Variants in MNAT1 observed in about 807,000 individuals in gnomAD.
MNAT1 encodes the protein CDK-activating kinase assembly factor MAT1.
In MNAT1, 43 loss-of-function variants were observed where a neutral mutation model predicts 42.0. The observed-to-expected ratio is 1.02, with a 90% CI of 0.80 to 1.32. The LOEUF (loss-of-function observed/expected upper bound fraction) is 1.32. Among genes scored for constraint, MNAT1 ranks in the 40% most tolerant of loss-of-function variants. The probability of loss-of-function intolerance (pLI) is 0.00; values close to 1 mark genes in which losing one functional copy is unlikely to be tolerated. For synonymous variants in MNAT1, 118 were observed against 120.0 expected (o/e 0.98, Z 0.11); for missense variants, 306 against 350.4 (o/e 0.87, Z 1.01).
chr14:60,838,828 C>T (rs2139397294), intron 6 of MNAT1, among the ~76,000 whole-genome samples: 1 of 152,260 alleles, frequency 6.6e-6, no homozygotes, highest in East Asian at 1.9e-4. Context: ...TTTTCCTGCT[C>T]CCTGAGCCTG....
chr14:60,818,325 A>G (rs1187513686), intron 5 of MNAT1, among the ~76,000 whole-genome samples: 1 of 151,984 alleles, frequency 6.6e-6, no homozygotes, highest in Non-Finnish European at 1.5e-5. Flanking sequence ...CTCAGGTGAA[A>G]TCTAATGGGA....
At chr14:60,880,454 C>T (rs189708269) in intron 7 of MNAT1, among the ~76,000 whole-genome samples, 45 of 152,132 alleles carry the variant, frequency 3.0e-4, no homozygotes, top group Non-Finnish European at 4.3e-4. Context: ...CTAGATGGAG[C>T]AAATCATTTC....
chr14:60,778,337 G>A lies in MNAT1; in HGVS notation c.90-17880G>A, dbSNP rs1475644655. ...AGTCCTTTCTCTGGTTCCTAGTTTTGTAATTGGAATCAACATACATGGTAG... is the reference window on the plus strand; with the variant it reads ...AGTCCTTTCTCTGGTTCCTAGTTTTATAATTGGAATCAACATACATGGTAG... On this transcript the variant is annotated intron_variant, in intron 1 of 7. Coordinates refer to ENST00000261245, the MANE Select transcript of MNAT1 (RefSeq NM_002431.4). Among the ~76,000 whole-genome samples the A allele has an allele frequency of 2.0e-5, 3 of 152,108 alleles. No individual in the cohort carries two copies. The East Asian group carries it at 5.8e-4, about 29-fold the overall frequency.
At chr14:60,738,212 G>A (rs1400051452) in intron 1 of MNAT1, among the ~76,000 whole-genome samples, 1 of 148,746 alleles carries the variant, frequency 6.7e-6, no homozygotes, top group Non-Finnish European at 1.5e-5. Context: ...ATGTTTAAAA[G>A]CATCTTATCA....
intron 7 of MNAT1, among the ~76,000 whole-genome samples, chr14:60,921,265 T>G (rs1471161948): frequency 1.3e-5 from 2 of 152,186 alleles, no homozygotes; most frequent in East Asian, 3.8e-4. Flanking sequence ...CGTTTTCTCT[T>G]GAGGTCTCTC....
intron 6 of MNAT1, among the ~76,000 whole-genome samples, chr14:60,844,941 CTT>C (rs2033646645): frequency 6.6e-6 from 1 of 151,878 alleles, no homozygotes; most frequent in Non-Finnish European, 1.5e-5. Context: ...TATATATTAA[CTT>C]TGCATTCTTG....
At chr14:60,814,630 TA>T (rs1215148421) in intron 5 of MNAT1, among the ~76,000 whole-genome samples, 1 of 151,684 alleles carries the variant, frequency 6.6e-6, no homozygotes, top group Non-Finnish European at 1.5e-5. Context: ...TAACCAGGAG[TA>T]AAAAAAGAGA....
chr14:60,768,926 C>T (rs2030942908), intron 1 of MNAT1, among the ~76,000 whole-genome samples: 1 of 152,102 alleles, frequency 6.6e-6, no homozygotes, highest in African/African-American at 2.4e-5. Flanking sequence ...CAAAAAGTTA[C>T]CCTACTCCTA....
intron 1 of MNAT1, among the ~76,000 whole-genome samples, chr14:60,750,313 G>C (rs895329626): frequency 1.3e-5 from 2 of 150,636 alleles, no homozygotes; most frequent in Non-Finnish European, 3.0e-5. Context: ...TGCAAGCTTC[G>C]CCTCCTGGGT....
intron 2 of MNAT1, among the ~76,000 whole-genome samples, chr14:60,797,385 G>T (rs1203083487): frequency 6.6e-6 from 1 of 152,028 alleles, no homozygotes; most frequent in African/African-American, 2.4e-5. Flanking sequence ...AAAAATGGAG[G>T]AGTCGCTTCA....
At chr14:60,945,305 T>C (rs1382471813) in intron 7 of MNAT1, among the ~76,000 whole-genome samples, 2 of 152,116 alleles carry the variant, frequency 1.3e-5, no homozygotes, top group African/African-American at 4.8e-5. Context: ...CTTTTTATTA[T>C]GTAAGAGGGG....
Position 60,968,397 on chromosome 14 carries a change from A to C in MNAT1, c.*48A>C. 1 of 1,588,776 alleles carries C rather than the reference A, an allele frequency of 6.3e-7. No homozygotes were observed. On this transcript the variant is annotated 3_prime_UTR_variant, in exon 8 of 8. Transcript: ENST00000261245. ...GGAGCTGAACCAGGGAGCTAGCAAA[A>C]GTAAAGCAGACTTATAAAATTATAG...
chr14:60,781,926 G>A (rs991554579), intron 1 of MNAT1, among the ~76,000 whole-genome samples: 1 of 145,836 alleles, frequency 6.9e-6, no homozygotes, highest in Non-Finnish European at 1.5e-5. Context: ...TTCCTATGCC[G>A]TATTTCCATG....
rs146630853 is a variant in MNAT1 at position 60,783,161 on chromosome 14, T to C, written c.90-13056T>C. On this transcript the variant is annotated intron_variant, in intron 1 of 7. Transcript: ENST00000261245. Reference sequence around the variant, plus strand: ...GGTCTAAGCTTTCTAATAAGACCTGTTGGTTTGAATACTCCAGAACCACAG... The same window carrying C: ...GGTCTAAGCTTTCTAATAAGACCTGCTGGTTTGAATACTCCAGAACCACAG... Among the ~76,000 whole-genome samples the C allele has an allele frequency of 2.6e-3, 393 of 152,244 alleles. 2 individuals are homozygous for C. Among genetic ancestry groups the C allele is most frequent in the African/African-American group, 8.9e-3 (371 of 41,556 alleles).
chr14:60,738,015 A>AT (rs1555371213), intron 1 of MNAT1, among the ~76,000 whole-genome samples: 2 of 143,836 alleles, frequency 1.4e-5, no homozygotes, highest in Non-Finnish European at 3.1e-5. Context: ...CGCCCGGCTA[A>AT]TTTTTTTGTA....
At chr14:60,829,515 A>G (rs4151240) in intron 6 of MNAT1, among the ~76,000 whole-genome samples, 131,606 of 152,104 alleles carry the variant, frequency 0.87, 58,677 homozygotes, top group Non-Finnish European at 0.98. Flanking sequence ...AAAAATTGTT[A>G]ATAGTCAAAC....
At chr14:60,912,468 C>T (rs563959566) in intron 7 of MNAT1, among the ~76,000 whole-genome samples, 32 of 152,274 alleles carry the variant, frequency 2.1e-4, no homozygotes, top group African/African-American at 7.0e-4. Flanking sequence ...ACCGGTTGTT[C>T]CTTTCCATGT....
intron 5 of MNAT1, among the ~76,000 whole-genome samples, chr14:60,818,141 T>C (rs935827837): frequency 6.6e-6 from 1 of 151,962 alleles, no homozygotes; most frequent in African/African-American, 2.4e-5. Flanking sequence ...AAAATGTGTC[T>C]GAGTGCTTAT....
intron 7 of MNAT1, among the ~76,000 whole-genome samples, chr14:60,945,312 G>A (rs560237841): frequency 2.6e-5 from 4 of 151,876 alleles, no homozygotes; most frequent in East Asian, 3.9e-4. Flanking sequence ...TTATGTAAGA[G>A]GGGAGTCAGG....
Sources: allele counts gnomAD v4.1 joint callset (sites outside exome capture counted in the v4.1 genomes callset), GRCh38; gene constraint gnomAD v4.1.1; transcripts MANE v1.5; gene names NCBI Gene and HGNC (gene_info 2026-07-23, HGNC 2026-07-21).